The following ANKS1B variants were observed in gnomAD, a reference collection of about 807,000 sequenced individuals.
ANKS1B encodes ankyrin repeat and sterile alpha motif domain-containing protein 1B.
In ANKS1B, 36 loss-of-function variants were observed where a neutral mutation model predicts 148.3. That is an observed-to-expected ratio of 0.24 (90% confidence interval 0.19 to 0.32). ANKS1B has a LOEUF of 0.32. Among genes scored for constraint, ANKS1B ranks in the 10% least tolerant of loss-of-function variants. The pLI, the probability that ANKS1B is intolerant of heterozygous loss-of-function variation, is 1.00. For synonymous variants in ANKS1B, 542 were observed against 560.8 expected (o/e 0.97, Z 0.47); for missense variants, 1,157 against 1,542.6 (o/e 0.75, Z 4.19).
At chr12:99,327,356 T>C (rs1287092261) in intron 12 of ANKS1B, among the ~76,000 whole-genome samples, 15 of 112,176 alleles carry the variant, frequency 1.3e-4, no homozygotes, top group African/African-American at 6.7e-4. Context: ...AATTACATAT[T>C]ATATATAATT....
rs553487875 is a variant in ANKS1B at position 99,369,816 on chromosome 12, GGACA to G, written c.1756+29811_1756+29814del. On this transcript the variant is annotated intron_variant, in intron 12 of 26. Coordinates refer to ENST00000683438, the MANE Select transcript of ANKS1B (RefSeq NM_001352186.2). ...TGGACGGACGGACAGACGGACGGAC[GGACA>G]GACGGACGGATAGACAGACAGACAG... Among the ~76,000 whole-genome samples, 489 of 149,544 alleles carry G rather than the reference GGACA, an allele frequency of 3.3e-3. 2 individuals are homozygous for G. Among genetic ancestry groups the G allele is most frequent in the African/African-American group, 0.012 (479 of 40,562 alleles).
intron 14 of ANKS1B, among the ~76,000 whole-genome samples, chr12:99,160,384 G>A (rs150310852): frequency 0.012 from 1,846 of 151,088 alleles, 13 homozygotes; most frequent in Middle Eastern, 0.031. Flanking sequence ...TGTCACCCAC[G>A]CTGGAGTGCA....
At chr12:99,651,941 CTATA>C (rs1370326722) in intron 9 of ANKS1B, among the ~76,000 whole-genome samples, 2 of 151,156 alleles carry the variant, frequency 1.3e-5, no homozygotes, top group Non-Finnish European at 2.9e-5. Flanking sequence ...TACAAATATA[CTATA>C]TATACACAAA....
intron 25 of ANKS1B, among the ~76,000 whole-genome samples, chr12:98,758,898 A>G (rs2098331508): frequency 6.8e-6 from 1 of 146,704 alleles, no homozygotes; most frequent in African/African-American, 2.5e-5. Context: ...CTCCTGCCTC[A>G]GCCTCCTGAG....
intron 2 of ANKS1B, among the ~76,000 whole-genome samples, chr12:99,812,896 A>G (rs150944225): frequency 4.6e-5 from 7 of 151,762 alleles, no homozygotes. Context: ...TATGTAAAAG[A>G]GAAAGAAAGT....
chr12:99,687,946 T>G (rs769386506), intron 8 of ANKS1B, among the ~76,000 whole-genome samples: 19 of 152,210 alleles, frequency 1.2e-4, no homozygotes, highest in Non-Finnish European at 2.6e-4. Context: ...AACCAGGACA[T>G]AGTTAATTAA....
chr12:99,648,884 A>G, intron 9 of ANKS1B: 1 of 1,451,572 alleles, frequency 6.9e-7, no homozygotes, highest in African/African-American at 1.4e-5. Context: ...TCACCTGGGA[A>G]ATGCATTGCA....
At chr12:99,418,858 A>C (rs541565443) in intron 11 of ANKS1B, among the ~76,000 whole-genome samples, 3 of 152,194 alleles carry the variant, frequency 2.0e-5, no homozygotes, top group Non-Finnish European at 4.4e-5. Context: ...AAAAAACAAA[A>C]CAACATGAAT....
At chr12:99,745,056 G>A (rs375424556) in intron 8 of ANKS1B, among the ~76,000 whole-genome samples, 4 of 137,306 alleles carry the variant, frequency 2.9e-5, no homozygotes, top group East Asian at 2.1e-4. Flanking sequence ...CCATCCTAAC[G>A]AAAAAAACAC....
At chr12:98,846,909 CTCTT>C (rs2099478013) in intron 17 of ANKS1B, among the ~76,000 whole-genome samples, 1 of 152,174 alleles carries the variant, frequency 6.6e-6, no homozygotes, top group Non-Finnish European at 1.5e-5. Flanking sequence ...AAAATGAAGT[CTCTT>C]TGTTTTTATT....
At chr12:98,930,578 T>C (rs1278186167) in intron 17 of ANKS1B, among the ~76,000 whole-genome samples, 1 of 152,152 alleles carries the variant, frequency 6.6e-6, no homozygotes, top group East Asian at 1.9e-4. Flanking sequence ...GGTGTATCTA[T>C]ATGATGGGAT....
At chr12:99,654,217 TGTGGAAGACGTGATGGTTTCTTA>T (rs2098439280) in intron 9 of ANKS1B, among the ~76,000 whole-genome samples, 3 of 151,888 alleles carry the variant, frequency 2.0e-5, no homozygotes, top group Admixed American at 6.5e-5. Context: ...GATACAGACA[TGTGGAAGACGTGATGGTTTCTTA>T]GACATAATTG....
intron 9 of ANKS1B, among the ~76,000 whole-genome samples, chr12:99,651,828 A>C (rs2098421454): frequency 6.6e-6 from 1 of 151,978 alleles, no homozygotes. Flanking sequence ...CCATTTGTGA[A>C]TGGTTGAGAA....
At chr12:99,790,842 G>T (rs2065553651) in intron 4 of ANKS1B, among the ~76,000 whole-genome samples, 1 of 151,640 alleles carries the variant, frequency 6.6e-6, no homozygotes, top group East Asian at 1.9e-4. Flanking sequence ...AAGACAGGAA[G>T]AAAGGAAAAA....
intron 8 of ANKS1B, among the ~76,000 whole-genome samples, chr12:99,726,005 G>A (rs1429146590): frequency 6.6e-6 from 1 of 151,530 alleles, no homozygotes; most frequent in Non-Finnish European, 1.5e-5. Context: ...AGTGTTAAGA[G>A]GGTAGCACTA....
chr12:99,602,948 C>T (rs1410940074), intron 9 of ANKS1B, among the ~76,000 whole-genome samples: 2 of 152,016 alleles, frequency 1.3e-5, no homozygotes, highest in African/African-American at 4.8e-5. Context: ...ACTTTCATTT[C>T]TAGTAAAGAT....
chr12:98,960,826 A>G (rs992204723), intron 17 of ANKS1B, among the ~76,000 whole-genome samples: 3 of 152,212 alleles, frequency 2.0e-5, no homozygotes, highest in African/African-American at 7.2e-5. Flanking sequence ...ATTAAAAAGA[A>G]TCAAGCAGAA....
At chr12:99,502,645 T>C (rs1001367995) in intron 10 of ANKS1B, among the ~76,000 whole-genome samples, 3 of 152,166 alleles carry the variant, frequency 2.0e-5, no homozygotes, top group Non-Finnish European at 4.4e-5. Context: ...GGCCAGCTAA[T>C]GTTTCAATGC....
chr12:98,891,732 A>G (rs2152684013), intron 17 of ANKS1B, among the ~76,000 whole-genome samples: 1 of 151,784 alleles, frequency 6.6e-6, no homozygotes, highest in South Asian at 2.1e-4. Flanking sequence ...CACTCAATGC[A>G]TATTCACTCA....
Sources: gnomAD v4.1 joint callset for allele counts (sites outside exome capture counted in the v4.1 genomes callset) on GRCh38, gnomAD v4.1.1 for gene constraint, MANE v1.5 for transcripts, NCBI Gene and HGNC (gene_info 2026-07-23, HGNC 2026-07-21) for gene names.